The following ZNF83 variants were observed in gnomAD, a reference collection of about 807,000 sequenced individuals.
ZNF83 encodes zinc finger protein 816B.
For missense variants in ZNF83, 552 were observed against 629.9 expected (o/e 0.88, Z 1.32); for synonymous variants, 209 against 213.0 (o/e 0.98, Z 0.17).
At chr19:52,615,948 C>T (rs1269156153) in intron 2 of ZNF83, among the ~76,000 whole-genome samples, 1 of 152,216 alleles carries the variant, frequency 6.6e-6, no homozygotes, top group Non-Finnish European at 1.5e-5. Context: ...AAGCGATTCT[C>T]CTGCCTCAGC....
chr19:52,683,638 TG>T lies in ZNF83; in HGVS notation c.-283+6804del, dbSNP rs201146356. ...TTCACACAGATGACAAAAATGGAGATGCCTCAGGACTGGCTGAAGATGCAGG... is the reference window on the plus strand; with the variant it reads ...TTCACACAGATGACAAAAATGGAGATCCTCAGGACTGGCTGAAGATGCAGG... On this transcript the variant is annotated intron_variant, in intron 1 of 5. Coordinates refer to the ZNF83 transcript ENST00000594682. 3.7e-3 allele frequency among the ~76,000 whole-genome samples: 565 copies of T among 152,254 alleles called. 3 individuals carry two copies. The highest frequency in any genetic ancestry group is 5.5e-3 in the Non-Finnish European group (371 of 68,026).
At chr19:52,662,412 G>A (rs2061592193) in intron 1 of ZNF83, among the ~76,000 whole-genome samples, 1 of 152,152 alleles carries the variant, frequency 6.6e-6, no homozygotes, top group South Asian at 2.1e-4. Context: ...CAGAGCTCAG[G>A]GGAGAGGCCT....
chr19:52,680,374 A>T (rs1478393073), intron 1 of ZNF83, among the ~76,000 whole-genome samples: 1 of 151,836 alleles, frequency 6.6e-6, no homozygotes, highest in African/African-American at 2.4e-5. Context: ...AGGCATTTCC[A>T]CTCCTCCAAA....
intron 2 of ZNF83, among the ~76,000 whole-genome samples, chr19:52,619,746 G>C (rs1461205587): frequency 6.6e-6 from 1 of 152,082 alleles, no homozygotes; most frequent in African/African-American, 2.4e-5. Context: ...AAATAGCCGG[G>C]CTCAATGGCA....
intron 1 of ZNF83, among the ~76,000 whole-genome samples, chr19:52,687,609 A>AAAT (rs2062060409): frequency 5.1e-5 from 1 of 19,428 alleles, no homozygotes; most frequent in African/African-American, 5.0e-4. Context: ...GTATATATAT[A>AAAT]TAATGTGTAT....
chr19:52,654,000 A>G, intron 3 of ZNF83: 2 of 1,509,794 alleles, frequency 1.3e-6, no homozygotes, highest in Non-Finnish European at 1.8e-6. Flanking sequence ...TTTTGAGCCT[A>G]CAAGAAATTC....
At position 52,688,721 on chromosome 19, in the gene ZNF83, T is replaced by A. The variant is rs561116773; in HGVS notation, c.-283+1722A>T. 3.0e-4 allele frequency among the ~76,000 whole-genome samples: 46 copies of A among 152,198 alleles called. 1 individual carries two copies. In the East Asian group the frequency reaches 8.3e-3, roughly 27 times the overall value. ...ATCTTTTGATCATCCTCTATCTCTA[T>A]ATGGACAGAAATTTAAAAATAATAA... On this transcript the variant is annotated intron_variant, in intron 1 of 5. Coordinates refer to the ZNF83 transcript ENST00000594682.
intron 1 of ZNF83, among the ~76,000 whole-genome samples, chr19:52,665,804 T>G (rs2061642088): frequency 6.6e-6 from 1 of 152,136 alleles, no homozygotes; most frequent in Non-Finnish European, 1.5e-5. Context: ...AACCCCTTCC[T>G]GTCCCTTGCC....
intron 2 of ZNF83, among the ~76,000 whole-genome samples, chr19:52,657,619 A>T (rs1419828359): frequency 1.3e-5 from 2 of 152,150 alleles, no homozygotes; most frequent in East Asian, 3.9e-4. Flanking sequence ...ATGCCAAGGC[A>T]GGCGGATCAC....
intron 1 of ZNF83, among the ~76,000 whole-genome samples, chr19:52,690,182 G>GAAA (rs35717855): frequency 2.1e-4 from 28 of 132,184 alleles, no homozygotes; most frequent in East Asian, 4.6e-4. Context: ...ATGATTTTGA[G>GAAA]AAAAAAAAAA....
chr19:52,633,384 G>A (rs182702017), intron 2 of ZNF83, among the ~76,000 whole-genome samples: 3 of 152,106 alleles, frequency 2.0e-5, no homozygotes, highest in Non-Finnish European at 2.9e-5. Context: ...CTCTTCACAC[G>A]GACGTGCATG....
At chr19:52,654,732 C>A in intron 3 of ZNF83, 1 of 164,176 alleles carries the variant, frequency 6.1e-6, no homozygotes, top group South Asian at 1.8e-4. Context: ...AGAGTTCAGT[C>A]AAGAGCCTCA....
intron 2 of ZNF83, chr19:52,618,804 T>C (rs1600145172): frequency 3.6e-6 from 5 of 1,384,316 alleles, no homozygotes; most frequent in African/African-American, 1.4e-5. Context: ...TGCTACATCA[T>C]GAAGCTTTTC....
At chr19:52,662,366 A>C (rs2061591651) in intron 1 of ZNF83, among the ~76,000 whole-genome samples, 1 of 152,142 alleles carries the variant, frequency 6.6e-6, no homozygotes, top group South Asian at 2.1e-4. Flanking sequence ...TTAATATCCC[A>C]GCAGAGAGCT....
At position 52,687,635 on chromosome 19, in the gene ZNF83, A is replaced by G. The variant is rs1251839744; in HGVS notation, c.-283+2808T>C. ...TAATGTGTATATATATATATAATGTATATATATATATATATATATATAATG... is the reference window on the plus strand; with the variant it reads ...TAATGTGTATATATATATATAATGTGTATATATATATATATATATATAATG... On this transcript the variant is annotated intron_variant, in intron 1 of 5. Coordinates refer to the ZNF83 transcript ENST00000594682. Among the ~76,000 whole-genome samples, 85 of 14,726 alleles carry G rather than the reference A, an allele frequency of 5.8e-3. 16 individuals carry two copies. Among genetic ancestry groups the G allele is most frequent in the South Asian group, 8.0e-3 (4 of 500 alleles). 9.7% of individuals were successfully genotyped at this position (14,726 alleles called of 152,430 possible). A position where few individuals can be genotyped will look rare whatever the true frequency, so the allele number is the denominator to read the frequency against.
Position 52,614,567 on chromosome 19 carries a change from C to G in ZNF83, c.-3G>C, listed in dbSNP as rs762810266. ...GCATCATCCTTTCTCCCATGCATGT[C>G]TCTTCTACCAATGAGACTTTCCTTA... On this transcript the variant is annotated 5_prime_UTR_variant, in exon 3 of 3. Transcript: ENST00000301096. 2.5e-6 allele frequency: 4 copies of G among 1,575,428 alleles called. No homozygotes were observed. The African/African-American group carries it at 4.1e-5, about 16-fold the overall frequency.
intron 2 of ZNF83, among the ~76,000 whole-genome samples, chr19:52,620,968 C>A (rs943868675): frequency 6.6e-6 from 1 of 152,212 alleles, no homozygotes; most frequent in Non-Finnish European, 1.5e-5. Context: ...CACTGCTTAT[C>A]CCAGTCCTAT....
At chr19:52,629,808 T>C (rs1455532338) in intron 2 of ZNF83, among the ~76,000 whole-genome samples, 7 of 150,832 alleles carry the variant, frequency 4.6e-5, no homozygotes, top group African/African-American at 1.7e-4. Context: ...TACATTTTAT[T>C]ACCCAATCTG....
rs574735056 is a variant in ZNF83 at position 52,633,656 on chromosome 19, T to G, written c.-234+1410A>C. On this transcript the variant is annotated intron_variant, in intron 2 of 2. Coordinates refer to ENST00000301096, the Ensembl canonical transcript of ZNF83. ...CAGGTGTGGTGGCTCATGCCTGTAA[T>G]TCCAGCACTTCGGGAGGCCCAAGGC... is the stretch of plus-strand genomic sequence containing the variant. Among the ~76,000 whole-genome samples the G allele has an allele frequency of 3.9e-4, 60 of 152,304 alleles. No homozygotes were observed. The South Asian group carries it at 0.012, about 31-fold the overall frequency.
Sources: allele counts gnomAD v4.1 joint callset (sites outside exome capture counted in the v4.1 genomes callset), GRCh38; gene constraint gnomAD v4.1.1; transcripts MANE v1.5; gene names NCBI Gene and HGNC (gene_info 2026-07-23, HGNC 2026-07-21).